The following ADCY9 variants were observed in gnomAD, a reference collection of about 807,000 sequenced individuals.
ADCY9 encodes the protein adenylate cyclase 9.
In ADCY9, 50 loss-of-function variants were observed where a neutral mutation model predicts 101.5. That is an observed-to-expected ratio of 0.49 (90% confidence interval 0.39 to 0.62). The LOEUF is 0.62. Ranked by LOEUF, ADCY9 falls within the 20% of genes least tolerant of loss-of-function variation. The probability of loss-of-function intolerance (pLI) is 0.00; values close to 1 mark genes in which losing one functional copy is unlikely to be tolerated. For missense variants in ADCY9, 1,662 were observed against 1,800.4 expected (o/e 0.92, Z 1.39); for synonymous variants, 905 against 769.3 (o/e 1.18, Z -2.92).
chr16:4,108,949 G>A (rs570738131), intron 2 of ADCY9, among the ~76,000 whole-genome samples: 22 of 151,738 alleles, frequency 1.4e-4, no homozygotes, highest in African/African-American at 4.8e-4. Context: ...CAGGTGATCC[G>A]CCTACCTCGG....
rs117824298 is a variant in ADCY9, at chr16:3,972,109, G to T, written c.2870+2560C>A. On this transcript the variant is annotated intron_variant, in intron 10 of 10. Coordinates refer to ENST00000294016, the MANE Select transcript of ADCY9 (RefSeq NM_001116.4). ...GAAGGCATCTGTAAGAAACAGGTAC[G>T]AGGACAGCTTCCCAGCTAGAATGTG... Among the ~76,000 whole-genome samples the T allele has an allele frequency of 1.8e-4, 27 of 152,312 alleles. No homozygotes were observed. The East Asian group carries it at 5.0e-3, about 28-fold the overall frequency.
intron 3 of ADCY9, 21 bp from the exon 4 acceptor site, chr16:3,993,531 G>A: frequency 6.2e-7 from 1 of 1,611,516 alleles, no homozygotes; most frequent in Non-Finnish European, 8.5e-7. Flanking sequence ...AACACAGACT[G>A]TGGGGACACA....
At position 4,114,346 on chromosome 16, in the gene ADCY9, G is replaced by A. The variant is rs1159195754; in HGVS notation, c.1097C>T (p.Pro366Leu). The change falls in exon 2 of 11, where the codon CCC becomes CTC. Residue 366 changes from proline to leucine, a missense_variant. Coordinates refer to ENST00000294016, the MANE Select transcript of ADCY9 (RefSeq NM_001116.4). The surrounding 1 kb of genome is among the most constrained non-coding windows in gnomAD (Gnocchi z 4.3). ...GGAAGACTTTTTCTTCCTGTTCTTG[G>A]GGCTCGAGGTGGCATGCCTCTTGAC... ...NSVKRHATSS[P>L]KNRKKKSSIQ... 6.2e-7 allele frequency: 1 copy of A among 1,613,968 alleles called. No homozygotes were observed. Among genetic ancestry groups the A allele is most frequent in the Non-Finnish European group, 8.5e-7 (1 of 1,180,014 alleles).
At position 3,965,493 on chromosome 16, in the gene ADCY9, CG is replaced by C; in HGVS notation, c.*281del. 5 of 477,732 alleles carry C rather than the reference CG, an allele frequency of 1.0e-5. No homozygotes were observed. The South Asian group carries it at 1.8e-4, about 17-fold the overall frequency. 29.6% of individuals were successfully genotyped at this position (477,732 alleles called of 1,614,324 possible). On this transcript the variant is annotated 3_prime_UTR_variant, in exon 11 of 11. Transcript: ENST00000294016. ...TGATCTCCACTGGCGGCCTCTGTCC[CG>C]AGACTCGAGGCCGAGGCCAGCCCTG...
At chr16:4,085,554 A>G (rs947111771) in intron 2 of ADCY9, among the ~76,000 whole-genome samples, 3 of 152,126 alleles carry the variant, frequency 2.0e-5, no homozygotes, top group Admixed American at 2.0e-4. Context: ...GAGGCTCCCA[A>G]GAGCTGCAGC....
In ADCY9 at chr16:3,969,884, A is replaced by C. The variant is rs184064059; in HGVS notation, c.2871-2918T>G. On this transcript the variant is annotated intron_variant, in intron 10 of 10. Transcript: ENST00000294016. The stretch of plus-strand genomic sequence containing the variant: ...TGCTTCTGCCTCCCCAGTGTGCTGG[A>C]ATACATTTTTTCCCATTTAAAAATA... Among the ~76,000 whole-genome samples, 365 of 151,524 alleles carry C rather than the reference A, an allele frequency of 2.4e-3. 5 individuals carry two copies. Among genetic ancestry groups the C allele is most frequent in the African/African-American group, 7.7e-3 (319 of 41,346 alleles).
rs747193495 is a variant in ADCY9, at chr16:3,966,894, C to T, written c.2943G>A (p.Glu981=). The part of the protein sequence containing the change: ...LRRPASLIGQ[E]VVLVFFLLLL... ...GCAGGAGAAAGAAGACGAGAACCAC[C>T]TCCTGGCCGATGAGGCTGGCGGGCC... Residue 981 remains glutamate (E), a synonymous_variant, in exon 11 of 11, where the codon GAG becomes GAA. Transcript: ENST00000294016. The T allele has an allele frequency of 1.2e-6, 2 of 1,613,960 alleles. No individual in the cohort carries two copies. The highest frequency in any genetic ancestry group is 8.5e-7 in the Non-Finnish European group (1 of 1,180,054).
intron 2 of ADCY9, among the ~76,000 whole-genome samples, chr16:4,059,617 G>A (rs984320734): frequency 6.6e-6 from 1 of 152,092 alleles, no homozygotes; most frequent in African/African-American, 2.4e-5. Context: ...AAACTACGCA[G>A]CTGGGCATGG....
intron 2 of ADCY9, among the ~76,000 whole-genome samples, chr16:4,104,141 C>T (rs778128128): frequency 1.3e-5 from 2 of 152,096 alleles, no homozygotes; most frequent in Non-Finnish European, 2.9e-5. Context: ...ATGAGTCTGT[C>T]GCTTCAAGGA....
rs538731648 is a variant in ADCY9 at position 4,054,997 on chromosome 16, T to A, written c.1694-47439A>T. 2.0e-5 allele frequency among the ~76,000 whole-genome samples: 3 copies of A among 152,268 alleles called. No homozygotes were observed. In the East Asian group the frequency reaches 5.8e-4, roughly 29 times the overall value. On this transcript the variant is annotated intron_variant, in intron 2 of 10. Transcript: ENST00000294016. ...TGAAACCCTGACTCTTTAATTATTATGTAAATGAAATTCAACAACACACTC... is the reference window on the plus strand; with the variant it reads ...TGAAACCCTGACTCTTTAATTATTAAGTAAATGAAATTCAACAACACACTC...
chr16:3,953,772 T>A (rs556023585), intron 5 of ADCY9, among the ~76,000 whole-genome samples: 5 of 152,216 alleles, frequency 3.3e-5, no homozygotes, highest in Admixed American at 6.5e-5. Flanking sequence ...GTCAGAAGCC[T>A]GCTTGAACCG....
intron 2 of ADCY9, among the ~76,000 whole-genome samples, chr16:4,102,096 C>T (rs1405757752): frequency 6.6e-6 from 1 of 152,190 alleles, no homozygotes; most frequent in Non-Finnish European, 1.5e-5. Context: ...AAGAAAGAAA[C>T]ACCCTTTAGT....
chr16:4,013,815 G>A (rs753799103), intron 2 of ADCY9, among the ~76,000 whole-genome samples: 39 of 152,284 alleles, frequency 2.6e-4, no homozygotes, highest in Admixed American at 1.1e-3. Context: ...TTCTTTCTGC[G>A]TAAGAAGAAC....
At chr16:4,096,302 A>G (rs2057003601) in intron 2 of ADCY9, among the ~76,000 whole-genome samples, 1 of 152,218 alleles carries the variant, frequency 6.6e-6, no homozygotes, top group Non-Finnish European at 1.5e-5. Flanking sequence ...TCTCAGCTAT[A>G]CTTAGACAAT....
intron 2 of ADCY9, among the ~76,000 whole-genome samples, chr16:4,083,821 A>T (rs532703152): frequency 1.3e-5 from 2 of 152,180 alleles, no homozygotes; most frequent in Non-Finnish European, 2.9e-5. Context: ...GCAAAGAGAC[A>T]GAAAGCAGCT....
At chr16:4,091,853 G>C (rs778384907) in intron 2 of ADCY9, among the ~76,000 whole-genome samples, 1 of 152,214 alleles carries the variant, frequency 6.6e-6, no homozygotes, top group Non-Finnish European at 1.5e-5. Flanking sequence ...TTTCCTTCTA[G>C]GGGTGATGAA....
intron 10 of ADCY9, among the ~76,000 whole-genome samples, chr16:3,967,976 CCA>C (rs1158193003): frequency 3.3e-5 from 5 of 152,148 alleles, no homozygotes; most frequent in African/African-American, 1.2e-4. Flanking sequence ...CAGGTGTGAG[CCA>C]CTGCACCCGG....
At chr16:4,085,641 T>C (rs1165751563) in intron 2 of ADCY9, among the ~76,000 whole-genome samples, 2 of 152,062 alleles carry the variant, frequency 1.3e-5, no homozygotes, top group Non-Finnish European at 2.9e-5. Flanking sequence ...CAGGACCTCG[T>C]CGAAGAGGGA....
Position 4,027,808 on chromosome 16 carries a change from C to T in ADCY9, c.1694-20250G>A, listed in dbSNP as rs373465413. Among the ~76,000 whole-genome samples the T allele has an allele frequency of 4.7e-4, 70 of 150,354 alleles. No homozygotes were observed. The South Asian group carries it at 7.1e-3, about 15-fold the overall frequency. On this transcript the variant is annotated intron_variant, in intron 2 of 10. Transcript: ENST00000294016. ...AGGAGAATCGCTTGAACCCAGGAGG[C>T]AGAGGTTGTGGTGAGCCAAGATCAT...
Sources: gnomAD v4.1 joint callset for allele counts (sites outside exome capture counted in the v4.1 genomes callset) on GRCh38, gnomAD v4.1.1 for gene constraint, Gnocchi (gnomAD v3.1) non-coding constraint, MANE v1.5 for transcripts, NCBI Gene and HGNC (gene_info 2026-07-23, HGNC 2026-07-21) for gene names.